The following BRD4 variants were observed in gnomAD, a reference collection of about 807,000 sequenced individuals.
BRD4 encodes bromodomain-containing protein 4.
BRD4 carries 16 observed loss-of-function variants against 142.1 expected under a neutral mutation model. That is an observed-to-expected ratio of 0.11 (90% CI 0.08 to 0.17). BRD4 has a LOEUF of 0.17. BRD4 is among the 10% of genes least tolerant of loss of function. The pLI, the probability that BRD4 is intolerant of heterozygous loss-of-function variation, is 1.00. For missense variants in BRD4, 1,424 were observed against 1,810.9 expected, an observed-to-expected ratio of 0.79 and a Z score of 3.88; for synonymous variants, 833 against 707.5, an observed-to-expected ratio of 1.18 and a Z score of -2.82.
intron 7 of BRD4, among the ~76,000 whole-genome samples, chr19:15,257,891 C>T (rs917701621): frequency 6.6e-6 from 1 of 152,168 alleles, no homozygotes; most frequent in South Asian, 2.1e-4. Context: ...CCTTTCAACC[C>T]TAAGATCCAG....
intron 1 of BRD4, among the ~76,000 whole-genome samples, chr19:15,320,607 C>T (rs1025278256): frequency 1.3e-5 from 2 of 152,168 alleles, no homozygotes; most frequent in Non-Finnish European, 1.5e-5. Flanking sequence ...TTCCTGAACA[C>T]TTTAAGCTGG....
At chr19:15,275,267 A>G (rs1599477544) in intron 1 of BRD4, among the ~76,000 whole-genome samples, 1 of 152,106 alleles carries the variant, frequency 6.6e-6, no homozygotes, top group African/African-American at 2.4e-5. Flanking sequence ...AAGCCAAAAC[A>G]CCCCTCCCTA....
In BRD4 at chr19:15,257,050, T is replaced by G; in HGVS notation, c.1465A>C (p.Ser489Arg). 1.2e-6 allele frequency: 2 copies of G among 1,601,876 alleles called. No homozygotes were observed. Among genetic ancestry groups the G allele is most frequent in the Non-Finnish European group, 1.7e-6 (2 of 1,176,062 alleles). Residue 489 changes from serine to arginine, a missense_variant, in exon 8 of 20, where the codon AGC becomes CGC. Physicochemically the swap from Ser to Arg is moderately radical, Grantham distance 110. Transcript: ENST00000679869. Reference sequence around the variant, plus strand: ...TCACTGTCCGAGGAGCTATCGCTGCTGCTGTCGCTGGATGAGGGCGGGGCC... The same window carrying G: ...TCACTGTCCGAGGAGCTATCGCTGCGGCTGTCGCTGGATGAGGGCGGGGCC... ...VVAPPSSSDSSSDSSSDSDSS... is the reference protein window; with the variant it reads ...VVAPPSSSDSRSDSSSDSDSS...
intron 1 of BRD4, among the ~76,000 whole-genome samples, chr19:15,296,454 G>A (rs1165674498): frequency 2.6e-5 from 4 of 152,088 alleles, no homozygotes; most frequent in Non-Finnish European, 5.9e-5. Flanking sequence ...TGAGTGCTTC[G>A]CAGGTTGACA....
chr19:15,253,438 G>T (rs1275990337), intron 11 of BRD4: 1 of 968,430 alleles, frequency 1.0e-6, no homozygotes, highest in South Asian at 1.6e-5. Context: ...CAGAAGGTGG[G>T]CTCTAATGGG....
intron 1 of BRD4, chr19:15,331,955 C>T (rs1321751543): frequency 1.4e-5 from 2 of 139,972 alleles, no homozygotes; most frequent in Non-Finnish European, 3.2e-5. Context: ...CCCGCCCGCC[C>T]CCGACCGCCG....
intron 14 of BRD4, among the ~76,000 whole-genome samples, chr19:15,241,985 G>GT (rs1284062690): frequency 4.6e-5 from 7 of 151,982 alleles, no homozygotes; most frequent in Non-Finnish European, 1.0e-4. Context: ...GATAATTTTT[G>GT]TATTTTTAGT....
intron 1 of BRD4, among the ~76,000 whole-genome samples, chr19:15,322,976 G>A (rs2048076799): frequency 6.6e-6 from 1 of 151,534 alleles, no homozygotes; most frequent in African/African-American, 2.4e-5. Flanking sequence ...CGTGGACCTG[G>A]GAGGTGGAGC....
chr19:15,293,251 G>A (rs564124945), intron 1 of BRD4, among the ~76,000 whole-genome samples: 1 of 152,312 alleles, frequency 6.6e-6, no homozygotes, highest in East Asian at 1.9e-4. Context: ...ACACTAGAGT[G>A]GTTGTTTTAA....
chr19:15,254,935 G>A (rs573013736), intron 10 of BRD4, among the ~76,000 whole-genome samples: 4 of 152,160 alleles, frequency 2.6e-5, no homozygotes, highest in Non-Finnish European at 4.4e-5. Flanking sequence ...GCTGCATAAC[G>A]TATCGGTACA....
chr19:15,286,168 C>A (rs1327588127), intron 1 of BRD4, among the ~76,000 whole-genome samples: 1 of 152,200 alleles, frequency 6.6e-6, no homozygotes, highest in Non-Finnish European at 1.5e-5. Context: ...GGACAAAGGT[C>A]TTTCCTCAGG....
intron 1 of BRD4, among the ~76,000 whole-genome samples, chr19:15,328,726 G>A (rs1235580870): frequency 6.6e-6 from 1 of 152,160 alleles, no homozygotes; most frequent in Non-Finnish European, 1.5e-5. Flanking sequence ...GAATAAAACA[G>A]GCAAAGCCAA....
intron 6 of BRD4, 74 bp from the exon 7 acceptor site, chr19:15,263,622 A>C (rs1037639301): frequency 6.3e-7 from 1 of 1,585,196 alleles, no homozygotes; most frequent in Non-Finnish European, 8.6e-7. Context: ...CAGCAGACGA[A>C]AGGGATGCCT....
chr19:15,317,600 G>A (rs2048027634), intron 1 of BRD4, among the ~76,000 whole-genome samples: 1 of 152,100 alleles, frequency 6.6e-6, no homozygotes, highest in Non-Finnish European at 1.5e-5. Flanking sequence ...AACAATGGGA[G>A]TGGGGGGTGG....
At chr19:15,263,356 A>C (rs1000126670) in intron 7 of BRD4, 64 bp downstream of exon 7, 10 of 1,568,046 alleles carry the variant, frequency 6.4e-6, no homozygotes, top group Non-Finnish European at 7.8e-6. Flanking sequence ...GGCCCACAGA[A>C]GTCTGCTCCC....
At chr19:15,242,351 G>T (rs1288607709) in intron 14 of BRD4, among the ~76,000 whole-genome samples, 1 of 152,200 alleles carries the variant, frequency 6.6e-6, no homozygotes, top group Non-Finnish European at 1.5e-5. Flanking sequence ...AAGTGAAAGG[G>T]TGTGGCCTGA....
intron 1 of BRD4, among the ~76,000 whole-genome samples, chr19:15,297,734 AG>A (rs1458703624): frequency 6.6e-6 from 1 of 152,174 alleles, no homozygotes; most frequent in Non-Finnish European, 1.5e-5. Flanking sequence ...GACTCTAACC[AG>A]GCGTCCTCAC....
chr19:15,274,714 A>G (rs2047627349), intron 1 of BRD4, among the ~76,000 whole-genome samples: 1 of 152,236 alleles, frequency 6.6e-6, no homozygotes, highest in Admixed American at 6.5e-5. Context: ...AAGGACTTCT[A>G]GAACTTCTGG....
At chr19:15,299,332 A>G (rs1282061156) in intron 1 of BRD4, among the ~76,000 whole-genome samples, 3 of 152,216 alleles carry the variant, frequency 2.0e-5, no homozygotes, top group Non-Finnish European at 4.4e-5. Context: ...AAACTCACAC[A>G]ATTCCTTTCT....
Sources: gnomAD v4.1 joint callset for allele counts (sites outside exome capture counted in the v4.1 genomes callset) on GRCh38, gnomAD v4.1.1 for gene constraint, MANE v1.5 for transcripts, NCBI Gene and HGNC (gene_info 2026-07-23, HGNC 2026-07-21) for gene names.